The following FOXA3 variants were observed in gnomAD, a reference collection of about 807,000 sequenced individuals.
FOXA3 encodes hepatocyte nuclear factor 3-gamma.
A neutral mutation model predicts 16.9 loss-of-function variants in FOXA3; 11 were observed. The observed-to-expected ratio is 0.65, with a 90% confidence interval of 0.41 to 1.08. The LOEUF (loss-of-function observed/expected upper bound fraction) is 1.08. Among genes scored for constraint, FOXA3 ranks in the 50% least tolerant of loss-of-function variants. FOXA3 has a pLI of 0.00. For missense variants in FOXA3, 423 were observed against 470.1 expected, an observed-to-expected ratio of 0.90 and a Z score of 0.93; for synonymous variants, 217 against 203.3, an observed-to-expected ratio of 1.07 and a Z score of -0.57.
At chr19:45,866,969 C>G (rs1389257688) in intron 1 of FOXA3, among the ~76,000 whole-genome samples, 1 of 152,172 alleles carries the variant, frequency 6.6e-6, no homozygotes, top group Non-Finnish European at 1.5e-5. Context: ...GCGGGTCCCC[C>G]AAGGGCTTCC....
At chr19:45,865,207 C>G (rs184479692) in intron 1 of FOXA3, among the ~76,000 whole-genome samples, 1 of 152,160 alleles carries the variant, frequency 6.6e-6, no homozygotes, top group Admixed American at 6.5e-5. Context: ...TCTCCACCCC[C>G]CCATCCCTAC....
rs545800759 is a variant in FOXA3 at position 45,871,713 on chromosome 19, G to A, written c.70-362G>A. ...CACGCCACTGCACTCCAGCCTGGGCGACAGAGCAAGACTCTGCCTCGAAAA... is the reference window on the plus strand; with the variant it reads ...CACGCCACTGCACTCCAGCCTGGGCAACAGAGCAAGACTCTGCCTCGAAAA... On this transcript the variant is annotated intron_variant, in intron 1 of 1. Transcript: ENST00000302177. 5.9e-5 allele frequency among the ~76,000 whole-genome samples: 9 copies of A among 152,050 alleles called. No homozygotes were observed. In the South Asian group the frequency reaches 1.5e-3, roughly 25 times the overall value.
rs1386010851 is a variant in FOXA3, at chr19:45,872,091, C to T, written c.86C>T (p.Thr29Ile). Residue 29 changes from threonine (T) to isoleucine (I), a missense_variant, in exon 2 of 2, where the codon ACC becomes ATC. Transcript: ENST00000302177. The surrounding 1 kb of genome is among the most constrained non-coding windows in gnomAD (Gnocchi z 4.5). ...PEAGEVYSPV[T>I]PVPTMAPLNS... is the part of the protein sequence containing the mutation. ...TTCCCCTAGGTCTACTCGCCGGTGACCCCAGTGCCCACCATGGCCCCCCTC... is the reference window on the plus strand; with the variant it reads ...TTCCCCTAGGTCTACTCGCCGGTGATCCCAGTGCCCACCATGGCCCCCCTC... 6.2e-7 allele frequency: 1 copy of T among 1,609,874 alleles called. No homozygotes were observed. The highest frequency in any genetic ancestry group is 8.5e-7 in the Non-Finnish European group (1 of 1,177,750).
chr19:45,872,370 A>G lies in FOXA3; in HGVS notation c.365A>G (p.Tyr122Cys), dbSNP rs759903821. Residue 122 changes from tyrosine (Y) to cysteine (C), a missense_variant, in exon 2 of 2, where the codon TAT (tyrosine) becomes TGT (cysteine). Tyr to Cys is a radical substitution (Grantham distance 194). Transcript: ENST00000302177. The surrounding 1 kb of genome is among the most constrained non-coding windows in gnomAD (Gnocchi z 4.5). ...GCACACGCCAAGCCACCGTATTCCT[A>G]TATCTCACTCATCACCATGGCCATC... ...PLAHAKPPYS[Y>C]ISLITMAIQQ... 6.2e-7 allele frequency: 1 copy of G among 1,614,142 alleles called. No homozygotes were observed.
At chr19:45,865,368 G>T (rs60875818) in intron 1 of FOXA3, among the ~76,000 whole-genome samples, 48 of 152,224 alleles carry the variant, frequency 3.2e-4, no homozygotes, top group Non-Finnish European at 6.0e-4. Flanking sequence ...GGAGTGGGGG[G>T]TGGCGGCATA....
At chr19:45,870,513 A>C (rs1283990717) in intron 1 of FOXA3, among the ~76,000 whole-genome samples, 1 of 150,892 alleles carries the variant, frequency 6.6e-6, no homozygotes, top group Admixed American at 6.6e-5. Flanking sequence ...AGAACTGCTG[A>C]TTTACCTAAT....
At chr19:45,866,017 T>A (rs1972081647) in intron 1 of FOXA3, among the ~76,000 whole-genome samples, 1 of 152,188 alleles carries the variant, frequency 6.6e-6, no homozygotes, top group African/African-American at 2.4e-5. Context: ...TGGGGGCACA[T>A]CTTAAGTAAA....
rs770653701 is a variant in FOXA3, at chr19:45,872,900, A to G, written c.895A>G (p.Asn299Asp). ...GGAGCTGAAGCTGGACGCGCCCTACAACTTCAACCACCCTTTCTCCATCAA... is the reference window on the plus strand; with the variant it reads ...GGAGCTGAAGCTGGACGCGCCCTACGACTTCAACCACCCTTTCTCCATCAA... ...PGELKLDAPY[N>D]FNHPFSINNL... The change falls in exon 2 of 2, where the codon AAC (asparagine) becomes GAC (aspartate). Residue 299 changes from asparagine (N) to aspartate (D), a missense_variant. Around this residue, in one of 3 missense-constraint regions of FOXA3, gnomAD observed 168 missense variants for 179.3 expected, o/e 0.94. Coordinates refer to ENST00000302177, the MANE Select transcript of FOXA3 (RefSeq NM_004497.3). The surrounding 1 kb of genome is among the most constrained non-coding windows in gnomAD (Gnocchi z 4.5). 1 of 1,613,958 alleles carries G rather than the reference A, an allele frequency of 6.2e-7. No homozygotes were observed. Among genetic ancestry groups the G allele is most frequent in the Non-Finnish European group, 8.5e-7 (1 of 1,179,986 alleles).
rs890232417 is a variant in FOXA3 at position 45,872,994 on chromosome 19, A to G, written c.989A>G (p.Glu330Gly). The G allele has an allele frequency of 1.2e-6, 2 of 1,613,452 alleles. No individual in the cohort carries two copies. Among genetic ancestry groups the G allele is most frequent in the Middle Eastern group, 1.6e-4 (1 of 6,062 alleles). Reference sequence around the variant, plus strand: ...GTGGGGTTTGGGGGCTACGGGGCTGAAGGTGGGGAGCCTGGAGTCTACTAC... The same window carrying G: ...GTGGGGTTTGGGGGCTACGGGGCTGGAGGTGGGGAGCCTGGAGTCTACTAC... ...LDVGFGGYGAEGGEPGVYYQG... is the reference protein window; with the variant it reads ...LDVGFGGYGAGGGEPGVYYQG... Residue 330 changes from glutamate to glycine, a missense_variant, in exon 2 of 2, where the codon GAA becomes GGA. Physicochemically the swap from Glu to Gly is moderately conservative, Grantham distance 98 (BLOSUM62 -2). Around this residue, in one of 3 missense-constraint regions of FOXA3, gnomAD observed 168 missense variants for 179.3 expected, o/e 0.94. Coordinates refer to ENST00000302177, the MANE Select transcript of FOXA3 (RefSeq NM_004497.3). This position sits in a 1 kb window ranked among gnomAD's most constrained non-coding sequence, Gnocchi z 4.5.
At chr19:45,864,549 CG>C (rs773894410) in intron 1 of FOXA3, 24 bp downstream of exon 1, 19 of 1,503,834 alleles carry the variant, frequency 1.3e-5, no homozygotes, top group African/African-American at 7.0e-5. Context: ...GATGGCGGAG[CG>C]GGAAGTTGGG....
Position 45,873,137 on chromosome 19 carries a change from C to A in FOXA3, c.*79C>A. On this transcript the variant is annotated 3_prime_UTR_variant, in exon 2 of 2. Transcript: ENST00000302177. ...TTGGGGCCTGATCCTTCTGGTGACA[C>A]TTCACTTGTCCCATTGGTTAACATC... 1 of 1,546,138 alleles carries A rather than the reference C, an allele frequency of 6.5e-7. No individual in the cohort carries two copies. Among genetic ancestry groups the A allele is most frequent in the African/African-American group, 1.4e-5 (1 of 73,036 alleles).
intron 1 of FOXA3, among the ~76,000 whole-genome samples, chr19:45,871,148 C>T (rs1022927808): frequency 2.6e-5 from 4 of 151,980 alleles, no homozygotes; most frequent in East Asian, 3.9e-4. Flanking sequence ...TGTCTATCTA[C>T]GTTTACAGTA....
At chr19:45,870,372 A>C (rs1600550131) in intron 1 of FOXA3, among the ~76,000 whole-genome samples, 1 of 149,054 alleles carries the variant, frequency 6.7e-6, no homozygotes, top group Admixed American at 6.7e-5. Flanking sequence ...ACAGGGTTTC[A>C]CCGTGTTAGC....
chr19:45,864,885 G>A (rs1248341980), intron 1 of FOXA3, among the ~76,000 whole-genome samples: 1 of 152,110 alleles, frequency 6.6e-6, no homozygotes, highest in East Asian at 1.9e-4. Flanking sequence ...GGACAGACTA[G>A]GGGGTTTCAG....
At position 45,864,456 on chromosome 19, in the gene FOXA3, G is replaced by T; in HGVS notation, c.-1G>T. 1 of 1,480,184 alleles carries T rather than the reference G, an allele frequency of 6.8e-7. No individual in the cohort carries two copies. 91.7% of individuals were successfully genotyped at this position (1,480,184 alleles called of 1,614,324 possible). Reference sequence around the variant, plus strand: ...GGCGGGTGGGGGCGTAAGCCCGGGGGATGCTGGGCTCAGTGAAGATGGAGG... The same window carrying T: ...GGCGGGTGGGGGCGTAAGCCCGGGGTATGCTGGGCTCAGTGAAGATGGAGG... On this transcript the variant is annotated 5_prime_UTR_variant, in exon 1 of 2. Transcript: ENST00000302177.
chr19:45,865,421 G>C (rs1405463375), intron 1 of FOXA3, among the ~76,000 whole-genome samples: 1 of 152,096 alleles, frequency 6.6e-6, no homozygotes, highest in Non-Finnish European at 1.5e-5. Context: ...CCTTCCTCAA[G>C]TCTGACCCCC....
chr19:45,871,867 G>A (rs1966907442), intron 1 of FOXA3, among the ~76,000 whole-genome samples: 2 of 152,294 alleles, frequency 1.3e-5, no homozygotes, highest in Middle Eastern at 6.8e-3. Flanking sequence ...TGGGAGCATG[G>A]TGGGTGGGAA....
rs755219339 is a variant in FOXA3, at chr19:45,872,259, G to A, written c.254G>A (p.Gly85Asp). ...GPTFPGLGVS[G>D]GSSSSGYGAP... is the part of the protein sequence containing the mutation. ...ACTTTCCCAGGCCTGGGTGTCAGCG[G>A]TGGCAGCAGCAGCTCCGGGTACGGG... Residue 85 changes from glycine (G) to aspartate (D), a missense_variant, in exon 2 of 2, where the codon GGT becomes GAT. Gly to Asp is a moderately conservative substitution (Grantham distance 94). Coordinates refer to ENST00000302177, the MANE Select transcript of FOXA3 (RefSeq NM_004497.3). The surrounding 1 kb of genome is among the most constrained non-coding windows in gnomAD (Gnocchi z 4.5). 1 of 1,610,474 alleles carries A rather than the reference G, an allele frequency of 6.2e-7. No individual in the cohort carries two copies. Among genetic ancestry groups the A allele is most frequent in the South Asian group, 1.1e-5 (1 of 90,992 alleles).
At chr19:45,869,309 T>G (rs1972113285) in intron 1 of FOXA3, among the ~76,000 whole-genome samples, 2 of 152,160 alleles carry the variant, frequency 1.3e-5, no homozygotes, top group Admixed American at 1.3e-4. Flanking sequence ...GAATCCCAGT[T>G]CTGCCCCCAT....
Sources: allele counts gnomAD v4.1 joint callset (sites outside exome capture counted in the v4.1 genomes callset), GRCh38; gene constraint gnomAD v4.1.1; regional missense constraint gnomAD v4.1.1; non-coding constraint Gnocchi (gnomAD v3.1); transcripts MANE v1.5; gene names NCBI Gene and HGNC (gene_info 2026-07-23, HGNC 2026-07-21).